PAPPA2: variants seen among roughly 807,000 people sequenced by gnomAD.
The protein encoded by PAPPA2 is pappalysin-2.
In PAPPA2, 86 loss-of-function variants were observed where a neutral mutation model predicts 176.4. The ratio of observed to expected loss-of-function variants is 0.49; its 90% CI spans 0.41 to 0.58. The LOEUF (loss-of-function observed/expected upper bound fraction) is 0.58. Ranked by LOEUF, PAPPA2 falls within the 20% of genes least tolerant of loss-of-function variation. The probability of loss-of-function intolerance (pLI) is 0.00; values close to 1 mark genes in which losing one functional copy is unlikely to be tolerated. For missense variants in PAPPA2, 2,073 were observed against 2,256.9 expected, an observed-to-expected ratio of 0.92 and a Z score of 1.65; for synonymous variants, 809 against 852.2, an observed-to-expected ratio of 0.95 and a Z score of 0.88.
chr1:176,715,560 G>A (rs763430261), intron 12 of PAPPA2, among the ~76,000 whole-genome samples: 10 of 152,114 alleles, frequency 6.6e-5, no homozygotes, highest in Non-Finnish European at 1.2e-4. Context: ...AACCATTCCC[G>A]ACTTCCTGGG....
intron 2 of PAPPA2, among the ~76,000 whole-genome samples, chr1:176,564,664 A>G (rs1226652682): frequency 6.6e-6 from 1 of 151,426 alleles, no homozygotes; most frequent in African/African-American, 2.4e-5. Flanking sequence ...GAAACAAGTC[A>G]TGCTAGTTTC....
rs200126031 is a variant in PAPPA2, at chr1:176,623,630, A to ACTTT, written c.1991+28072_1991+28075dup. On this transcript the variant is annotated intron_variant, in intron 3 of 22. Coordinates refer to ENST00000367662, the MANE Select transcript of PAPPA2 (RefSeq NM_020318.3). Reference sequence around the variant, plus strand: ...TCCTTCCTTCCTTCCTTCCTTTTTTACTTTCTTTCTTTCTTTCTTTCTTTC... The same window carrying ACTTT: ...TCCTTCCTTCCTTCCTTCCTTTTTTACTTTCTTTCTTTCTTTCTTTCTTTCTTTC... 7.7e-3 allele frequency among the ~76,000 whole-genome samples: 648 copies of ACTTT among 83,904 alleles called. 17 individuals carry two copies. The highest frequency in any genetic ancestry group is 0.02 in the African/African-American group (289 of 14,652). 55.0% of individuals were successfully genotyped at this position (83,904 alleles called of 152,430 possible).
At chr1:176,695,530 A>T (rs1660334047) in intron 6 of PAPPA2, among the ~76,000 whole-genome samples, 1 of 152,084 alleles carries the variant, frequency 6.6e-6, no homozygotes, top group Admixed American at 6.6e-5. Flanking sequence ...CTGCTTCATG[A>T]TCTTGAAATT....
intron 3 of PAPPA2, among the ~76,000 whole-genome samples, chr1:176,669,513 T>C (rs1412485754): frequency 6.6e-6 from 1 of 152,150 alleles, no homozygotes; most frequent in Non-Finnish European, 1.5e-5. Flanking sequence ...GAAAACATTG[T>C]GTCTTCAGGA....
chr1:176,613,367 T>G (rs1205655963), intron 3 of PAPPA2, among the ~76,000 whole-genome samples: 1 of 152,212 alleles, frequency 6.6e-6, no homozygotes, highest in Non-Finnish European at 1.5e-5. Context: ...TGTTCAACCA[T>G]TTCATTTTAT....
intron 14 of PAPPA2, among the ~76,000 whole-genome samples, chr1:176,747,279 TGATGAC>T (rs1472181030): frequency 6.6e-6 from 1 of 152,208 alleles, no homozygotes; most frequent in Non-Finnish European, 1.5e-5. Context: ...TTTGAGGAAA[TGATGAC>T]TTGTAAATTC....
At chr1:176,724,489 C>T (rs750765812) in intron 12 of PAPPA2, among the ~76,000 whole-genome samples, 3 of 152,140 alleles carry the variant, frequency 2.0e-5, no homozygotes, top group Non-Finnish European at 2.9e-5. Context: ...TGTTTATTTT[C>T]GTGGCTCCTC....
At chr1:176,567,687 A>G (rs1411063076) in intron 2 of PAPPA2, among the ~76,000 whole-genome samples, 1 of 152,170 alleles carries the variant, frequency 6.6e-6, no homozygotes, top group African/African-American at 2.4e-5. Context: ...GGATTATTAA[A>G]TTTGTTTTAA....
intron 17 of PAPPA2, among the ~76,000 whole-genome samples, chr1:176,784,438 CTCAG>C (rs1199772704): frequency 6.6e-6 from 1 of 152,162 alleles, no homozygotes; most frequent in East Asian, 1.9e-4. Flanking sequence ...ATTGCTGTGT[CTCAG>C]TCAGTTTGAG....
intron 1 of PAPPA2, among the ~76,000 whole-genome samples, chr1:176,472,444 C>A (rs1651925005): frequency 6.6e-6 from 1 of 152,096 alleles, no homozygotes; most frequent in African/African-American, 2.4e-5. Context: ...TCTTTAATAG[C>A]TTCTTTGCTA....
At chr1:176,683,990 A>C (rs1659712689) in intron 4 of PAPPA2, among the ~76,000 whole-genome samples, 1 of 152,024 alleles carries the variant, frequency 6.6e-6, no homozygotes, top group Non-Finnish European at 1.5e-5. Context: ...TTTCTAAGCT[A>C]ATGTGGTAGT....
At position 176,699,102 on chromosome 1, in the gene PAPPA2, C is replaced by A; in HGVS notation, c.2749C>A (p.Pro917Thr). Residue 917 changes from proline to threonine, a missense_variant and splice_region_variant, in exon 8 of 23, where the codon CCT becomes ACT. Physicochemically the swap from Pro to Thr is conservative, Grantham distance 38. Around this residue, in one of 4 missense-constraint regions of PAPPA2, gnomAD observed 1,196 missense variants for 1,330.4 expected, o/e 0.90. Coordinates refer to ENST00000367662, the MANE Select transcript of PAPPA2 (RefSeq NM_020318.3). ...GYWTPEEAVG[P>T]PDVDQPCEPS... ...TCTTTCTGCTAATCTCCCCCCAGGGCCTCCTGATGTGGATCAGCCCTGCGA... is the reference window on the plus strand; with the variant it reads ...TCTTTCTGCTAATCTCCCCCCAGGGACTCCTGATGTGGATCAGCCCTGCGA... 1.9e-6 allele frequency: 3 copies of A among 1,607,978 alleles called. No individual in the cohort carries two copies. Among genetic ancestry groups the A allele is most frequent in the Non-Finnish European group, 2.6e-6 (3 of 1,175,768 alleles).
chr1:176,642,999 T>C (rs1240666390), intron 3 of PAPPA2, among the ~76,000 whole-genome samples: 1 of 150,604 alleles, frequency 6.6e-6, no homozygotes, highest in Non-Finnish European at 1.5e-5. Context: ...TGGGTGTCAG[T>C]TTTTTTTCTA....
intron 21 of PAPPA2, among the ~76,000 whole-genome samples, chr1:176,802,260 A>G (rs1665713519): frequency 6.6e-6 from 1 of 152,258 alleles, no homozygotes; most frequent in South Asian, 2.1e-4. Context: ...GGAAGATACA[A>G]CGATACAGGT....
Position 176,739,696 on chromosome 1 carries a change from G to C in PAPPA2, c.3869G>C (p.Gly1290Ala). ...TTGACAACTGATGGCCTAGTTCCCGGAGAGCATCAGCAGCCGACAGTGACT... is the reference window on the plus strand; with the variant it reads ...TTGACAACTGATGGCCTAGTTCCCGCAGAGCATCAGCAGCCGACAGTGACT... ...IFLTTDGLVPGEHQQPTVTLY... is the reference protein window; with the variant it reads ...IFLTTDGLVPAEHQQPTVTLY... The change falls in exon 13 of 23, where the codon GGA becomes GCA. Residue 1290 changes from glycine (G) to alanine (A), a missense_variant. Gly to Ala is a moderately conservative substitution (Grantham distance 60). Coordinates refer to ENST00000367662, the MANE Select transcript of PAPPA2 (RefSeq NM_020318.3). 6.2e-7 allele frequency: 1 copy of C among 1,613,674 alleles called. No individual in the cohort carries two copies. The highest frequency in any genetic ancestry group is 8.5e-7 in the Non-Finnish European group (1 of 1,179,786).
At chr1:176,707,818 A>T (rs193265787) in intron 10 of PAPPA2, among the ~76,000 whole-genome samples, 129 of 152,144 alleles carry the variant, frequency 8.5e-4, no homozygotes, top group African/African-American at 2.8e-3. Context: ...TTTCTGTTTT[A>T]TTTGACTACC....
intron 4 of PAPPA2, among the ~76,000 whole-genome samples, chr1:176,678,037 A>G (rs1206410123): frequency 1.3e-5 from 2 of 152,166 alleles, no homozygotes; most frequent in Non-Finnish European, 2.9e-5. Flanking sequence ...GAGGGGCTGA[A>G]GCTTGAGATG....
At chr1:176,738,307 C>T (rs1662513237) in intron 12 of PAPPA2, among the ~76,000 whole-genome samples, 1 of 151,944 alleles carries the variant, frequency 6.6e-6, no homozygotes, top group Non-Finnish European at 1.5e-5. Context: ...CTGGTCTTTC[C>T]CTTAAAGAAG....
intron 3 of PAPPA2, among the ~76,000 whole-genome samples, 181 bp from the exon 4 acceptor site, chr1:176,670,789 A>G (rs910523249): frequency 3.3e-5 from 5 of 152,224 alleles, no homozygotes; most frequent in African/African-American, 1.2e-4. Context: ...TGGAATAAGC[A>G]TCCCAAATGT....
Sources: allele counts gnomAD v4.1 joint callset (sites outside exome capture counted in the v4.1 genomes callset), GRCh38; gene constraint gnomAD v4.1.1; regional missense constraint gnomAD v4.1.1; transcripts MANE v1.5; gene names NCBI Gene and HGNC (gene_info 2026-07-23, HGNC 2026-07-21).